Variants in DMD observed in about 807,000 individuals in gnomAD.
DMD encodes the protein dystrophin, also known as mutant dystrophin.
Under a neutral mutation model 330.1 loss-of-function variants are expected in DMD, and 63 were observed. The observed-to-expected ratio is 0.19, with a 90% confidence interval of 0.16 to 0.24. The LOEUF is 0.24. DMD is among the 10% of genes least tolerant of loss of function. DMD has a pLI of 1.00. For synonymous variants in DMD, 1,223 were observed against 959.8 expected, an observed-to-expected ratio of 1.27 and a Z score of -5.07; for missense variants, 3,344 against 2,684.1, an observed-to-expected ratio of 1.25 and a Z score of -5.43.
intron 60 of DMD, among the ~76,000 whole-genome samples, chrX:31,443,216 A>G (rs1466092757): frequency 9.0e-6 from 1 of 111,348 alleles, no homozygotes; most frequent in Non-Finnish European, 1.9e-5. Flanking sequence ...TTTGGGGTAT[A>G]ACATGGTGTC....
At chrX:31,668,858 A>G (rs2081583386) in intron 53 of DMD, among the ~76,000 whole-genome samples, 1 of 111,995 alleles carries the variant, frequency 8.9e-6, no homozygotes, top group Admixed American at 9.5e-5. Flanking sequence ...GAGATCACGC[A>G]GTATTTGACT....
At chrX:32,169,004 G>C (rs991399609) in intron 44 of DMD, among the ~76,000 whole-genome samples, 5 of 112,014 alleles carry the variant, frequency 4.5e-5, no homozygotes, top group Admixed American at 9.5e-5. Flanking sequence ...TGAGCTGATT[G>C]GTTGATCTGT....
intron 45 of DMD, among the ~76,000 whole-genome samples, chrX:31,938,517 A>T (rs1184224728): frequency 8.9e-6 from 1 of 111,974 alleles, no homozygotes; most frequent in East Asian, 2.8e-4. Flanking sequence ...ATTTCATGCA[A>T]CAATTTTGTT....
intron 4 of DMD, among the ~76,000 whole-genome samples, chrX:32,830,546 C>A (rs957772927): frequency 2.7e-5 from 3 of 111,135 alleles, no homozygotes; most frequent in African/African-American, 9.8e-5. Flanking sequence ...CTGTGGTTAC[C>A]CAAAGTTCTG....
At chrX:32,119,645 T>C (rs1487212427) in intron 44 of DMD, among the ~76,000 whole-genome samples, 1 of 111,634 alleles carries the variant, frequency 9.0e-6, no homozygotes, top group Non-Finnish European at 1.9e-5. Flanking sequence ...TCCTTCTCAT[T>C]TGCCTTGTCC....
chrX:31,660,561 C>G (rs2081066543), intron 53 of DMD, among the ~76,000 whole-genome samples: 1 of 111,746 alleles, frequency 8.9e-6, no homozygotes, highest in Non-Finnish European at 1.9e-5. Context: ...CATGAACATC[C>G]ACAAAACTGA....
chrX:31,749,872 A>T (rs1247949426), intron 51 of DMD, among the ~76,000 whole-genome samples: 1 of 105,012 alleles, frequency 9.5e-6, no homozygotes, highest in African/African-American at 3.5e-5. Flanking sequence ...TGTGGTTTTG[A>T]TTTGCATTTC....
chrX:32,211,583 T>C (rs1317201331), intron 44 of DMD, among the ~76,000 whole-genome samples: 2 of 112,006 alleles, frequency 1.8e-5, no homozygotes, highest in Non-Finnish European at 3.8e-5. Flanking sequence ...AGTTTATTCA[T>C]GTCAGAATAA....
chrX:32,049,333 T>C (rs1430336283), intron 44 of DMD, among the ~76,000 whole-genome samples: 1 of 111,612 alleles, frequency 9.0e-6, no homozygotes, highest in African/African-American at 3.3e-5. Flanking sequence ...TTTTATTCCA[T>C]TGTTGGTAAG....
intron 37 of DMD, among the ~76,000 whole-genome samples, chrX:32,350,507 T>C (rs2097777904): frequency 9.0e-6 from 1 of 111,529 alleles, no homozygotes; most frequent in African/African-American, 3.2e-5. Context: ...CTCACTCTAA[T>C]GTCTAATAAA....
chrX:32,543,421 G>T (rs1488659829), intron 17 of DMD, among the ~76,000 whole-genome samples: 1 of 110,061 alleles, frequency 9.1e-6, no homozygotes, highest in Non-Finnish European at 1.9e-5. Flanking sequence ...AGCTTGCTCT[G>T]TTAATTTCTG....
At chrX:32,711,191 G>A (rs1201048179) in intron 7 of DMD, among the ~76,000 whole-genome samples, 1 of 111,231 alleles carries the variant, frequency 9.0e-6, no homozygotes, top group Non-Finnish European at 1.9e-5. Flanking sequence ...GGTTAAAACT[G>A]ATATGCTAAA....
chrX:32,220,156 G>A (rs957019798), intron 43 of DMD, among the ~76,000 whole-genome samples: 1 of 111,211 alleles, frequency 9.0e-6, no homozygotes, highest in African/African-American at 3.3e-5. Context: ...CCCTGCTACT[G>A]TCTTAGGACT....
intron 41 of DMD, among the ~76,000 whole-genome samples, chrX:32,333,157 T>C (rs1039314289): frequency 8.9e-6 from 1 of 111,783 alleles, no homozygotes; most frequent in Admixed American, 9.6e-5. Flanking sequence ...ACACGGTAAA[T>C]GTTTATTTAA....
At chrX:32,791,401 A>T (rs2075810666) in intron 7 of DMD, among the ~76,000 whole-genome samples, 1 of 111,746 alleles carries the variant, frequency 8.9e-6, no homozygotes, top group Non-Finnish European at 1.9e-5. Context: ...AGGCCTGAGG[A>T]CAGGCACGCT....
At chrX:32,367,630 T>C (rs1033830072) in intron 34 of DMD, among the ~76,000 whole-genome samples, 1 of 112,050 alleles carries the variant, frequency 8.9e-6, no homozygotes, top group African/African-American at 3.2e-5. Flanking sequence ...GGGATAATGT[T>C]GCAGGTAGTT....
At chrX:32,621,119 C>A (rs925070635) in intron 11 of DMD, among the ~76,000 whole-genome samples, 1 of 110,695 alleles carries the variant, frequency 9.0e-6, no homozygotes, top group Non-Finnish European at 1.9e-5. Context: ...GAAATGAGAG[C>A]AATTGAATTG....
intron 44 of DMD, among the ~76,000 whole-genome samples, chrX:32,085,227 CACAA>C (rs2096422226): frequency 9.0e-6 from 1 of 111,115 alleles, no homozygotes; most frequent in African/African-American, 3.3e-5. Context: ...TATACACACA[CACAA>C]ACACATATGT....
chrX:32,484,643 C>G (rs1220345039), intron 21 of DMD, among the ~76,000 whole-genome samples: 2 of 111,884 alleles, frequency 1.8e-5, no homozygotes. Context: ...CTTCTATATT[C>G]AAAACATCTG....
Sources: allele counts gnomAD v4.1 joint callset (sites outside exome capture counted in the v4.1 genomes callset), GRCh38; gene constraint gnomAD v4.1.1; transcripts MANE v1.5; gene names NCBI Gene and HGNC (gene_info 2026-07-23, HGNC 2026-07-21).